The following CACNA1C variants were observed in gnomAD, a reference collection of about 807,000 sequenced individuals.
The protein encoded by CACNA1C is voltage-dependent L-type calcium channel subunit alpha-1C.
Under a neutral mutation model 229.0 loss-of-function variants are expected in CACNA1C, and 30 were observed. The ratio of observed to expected loss-of-function variants is 0.13; its 90% CI spans 0.10 to 0.18. The LOEUF is 0.18. Ranked by LOEUF, CACNA1C falls within the 10% of genes least tolerant of loss-of-function variation. CACNA1C has a pLI of 1.00. For missense variants in CACNA1C, 1,658 were observed against 2,845.0 expected (o/e 0.58, Z 9.49); for synonymous variants, 1,114 against 1,132.5 (o/e 0.98, Z 0.33).
At chr12:1,990,709 T>C (rs758178326) in intron 1 of CACNA1C, among the ~76,000 whole-genome samples, 2 of 152,142 alleles carry the variant, frequency 1.3e-5, no homozygotes, top group Non-Finnish European at 2.9e-5. Context: ...CTTGAGGAAA[T>C]AGTCTTACAA....
chr12:2,058,773 G>T (rs996800292), intron 1 of CACNA1C, among the ~76,000 whole-genome samples: 7 of 152,220 alleles, frequency 4.6e-5, no homozygotes, highest in African/African-American at 1.7e-4. Context: ...TCGAAGCCGG[G>T]TGTGTAGACT....
At chr12:2,001,034 T>A (rs1434704258) in intron 1 of CACNA1C, among the ~76,000 whole-genome samples, 10 of 104,070 alleles carry the variant, frequency 9.6e-5, no homozygotes, top group Non-Finnish European at 1.8e-4. Flanking sequence ...CGAGACTTCG[T>A]CTCAAAAAAA....
In CACNA1C at chr12:2,678,676, C is replaced by T. The variant is rs2153797615; in HGVS notation, c.5092-768C>T. On this transcript the variant is annotated intron_variant, in intron 41 of 46. Transcript: ENST00000399655. The surrounding 1 kb of genome is among the most constrained non-coding windows in gnomAD (Gnocchi z 4.1). ...GCCCCTGCTCCGTCTCTTCCTCATC[C>T]TTATTCTTGTCACTGGGAGACATTC... Among the ~76,000 whole-genome samples, 1 of 152,330 alleles carries T rather than the reference C, an allele frequency of 6.6e-6. No homozygotes were observed. Among genetic ancestry groups the T allele is most frequent in the Middle Eastern group, 3.4e-3 (1 of 294 alleles).
At chr12:1,993,275 C>T in intron 1 of CACNA1C, 1 of 1,614,088 alleles carries the variant, frequency 6.2e-7, no homozygotes, top group Non-Finnish European at 8.5e-7. Context: ...TCTGGCATTT[C>T]TGTAGAGAAG....
At chr12:2,257,844 T>C (rs2078580024) in intron 3 of CACNA1C, among the ~76,000 whole-genome samples, 1 of 152,274 alleles carries the variant, frequency 6.6e-6, no homozygotes, top group Non-Finnish European at 1.5e-5. Flanking sequence ...TCTTTATACC[T>C]GTTGCCTCCA....
chr12:2,484,126 A>C (rs113725228), intron 5 of CACNA1C, among the ~76,000 whole-genome samples: 8 of 152,360 alleles, frequency 5.3e-5, no homozygotes, highest in African/African-American at 1.9e-4. Context: ...GTTAAGGAAC[A>C]TAACATTTCA....
chr12:2,430,829 C>T (rs565551486), intron 3 of CACNA1C, among the ~76,000 whole-genome samples: 5 of 152,262 alleles, frequency 3.3e-5, no homozygotes, highest in Non-Finnish European at 7.4e-5. Flanking sequence ...CCAATCCCCA[C>T]AGGCTGATGG....
chr12:1,972,155 C>T lies in CACNA1C; in HGVS notation c.139+954C>T, dbSNP rs377744367. On this transcript the variant is annotated intron_variant, in intron 1 of 46. Coordinates refer to the CACNA1C transcript ENST00000682462. ...CTTTTTACTTGGAAAGCCACGGAAA[C>T]GTGGTAGTGTGACATTACACAAACC... Among the ~76,000 whole-genome samples, 8 of 152,200 alleles carry T rather than the reference C, an allele frequency of 5.3e-5. No homozygotes were observed. In the East Asian group the frequency reaches 7.7e-4, roughly 15 times the overall value.
intron 3 of CACNA1C, among the ~76,000 whole-genome samples, chr12:2,162,708 A>C (rs1332202707): frequency 2.0e-5 from 3 of 152,180 alleles, no homozygotes; most frequent in East Asian, 1.9e-4. Context: ...GGAGATGATG[A>C]ATACAAAACC....
chr12:2,256,219 A>G (rs911891850), intron 3 of CACNA1C, among the ~76,000 whole-genome samples: 30 of 152,312 alleles, frequency 2.0e-4, no homozygotes, highest in Admixed American at 1.0e-3. Context: ...CCAGGAATCT[A>G]CATTTTTAAC....
intron 3 of CACNA1C, among the ~76,000 whole-genome samples, chr12:2,208,472 G>A (rs1246716365): frequency 6.6e-6 from 1 of 152,142 alleles, no homozygotes; most frequent in African/African-American, 2.4e-5. Flanking sequence ...GCACTGCAGT[G>A]CCCGTTAGAG....
chr12:2,379,555 T>C (rs1211388616), intron 3 of CACNA1C, among the ~76,000 whole-genome samples: 1 of 151,880 alleles, frequency 6.6e-6, no homozygotes, highest in Non-Finnish European at 1.5e-5. Flanking sequence ...CTCCTAGGAG[T>C]GTGAGGCTGT....
At chr12:2,420,836 G>A (rs554280686) in intron 3 of CACNA1C, among the ~76,000 whole-genome samples, 78 of 152,286 alleles carry the variant, frequency 5.1e-4, no homozygotes, top group African/African-American at 1.7e-3. Flanking sequence ...TATTTCTCAC[G>A]ATCACTGTGA....
intron 3 of CACNA1C, among the ~76,000 whole-genome samples, chr12:2,185,995 C>T (rs1205391824): frequency 5.3e-5 from 8 of 152,138 alleles, no homozygotes; most frequent in African/African-American, 1.7e-4. Flanking sequence ...GGGCACGGAT[C>T]GTTTCCTGGC....
rs2072076812 is a variant in CACNA1C, at chr12:2,601,340, C to A, written c.2854-514C>A. Among the ~76,000 whole-genome samples the A allele has an allele frequency of 6.6e-6, 1 of 152,126 alleles. No individual in the cohort carries two copies. Among genetic ancestry groups the A allele is most frequent in the African/African-American group, 2.4e-5 (1 of 41,422 alleles). On this transcript the variant is annotated intron_variant, in intron 21 of 46. Coordinates refer to ENST00000399655, the MANE Select transcript of CACNA1C (RefSeq NM_000719.7). This position sits in a 1 kb window ranked among gnomAD's most constrained non-coding sequence, Gnocchi z 5.9. ...GGATGCAGGATTTCTGATGATAAAG[C>A]AAATCTGGGCAAACCAGGATGGCTG... is the stretch of plus-strand genomic sequence containing the variant.
chr12:2,317,269 T>C (rs1232466947), intron 3 of CACNA1C, among the ~76,000 whole-genome samples: 1 of 152,204 alleles, frequency 6.6e-6, no homozygotes, highest in Non-Finnish European at 1.5e-5. Flanking sequence ...CAAGTGTCCT[T>C]GGACAGATGA....
intron 3 of CACNA1C, among the ~76,000 whole-genome samples, chr12:2,433,038 C>T (rs1196282191): frequency 2.0e-5 from 3 of 152,214 alleles, no homozygotes; most frequent in African/African-American, 4.8e-5. Flanking sequence ...AGAGGAGCCT[C>T]GCTGCTGGAA....
intron 1 of CACNA1C, among the ~76,000 whole-genome samples, chr12:1,983,853 A>C (rs1002022791): frequency 3.9e-5 from 6 of 151,928 alleles, no homozygotes; most frequent in South Asian, 2.1e-4. Flanking sequence ...TAAAAAAAAA[A>C]CAAAAACTTC....
intron 3 of CACNA1C, among the ~76,000 whole-genome samples, chr12:2,323,787 G>A (rs1456961891): frequency 2.0e-5 from 3 of 152,264 alleles, no homozygotes; most frequent in South Asian, 2.1e-4. Flanking sequence ...TGGAGGCTGC[G>A]TAGGGCATTG....
Sources: gnomAD v4.1 joint callset for allele counts (sites outside exome capture counted in the v4.1 genomes callset) on GRCh38, gnomAD v4.1.1 for gene constraint, Gnocchi (gnomAD v3.1) non-coding constraint, MANE v1.5 for transcripts, NCBI Gene and HGNC (gene_info 2026-07-23, HGNC 2026-07-21) for gene names.